Variants in PEPD observed in about 807,000 individuals in gnomAD.
PEPD encodes peptidase D.
PEPD carries 53 observed loss-of-function variants against 60.7 expected under a neutral mutation model. The ratio of observed to expected loss-of-function variants is 0.87; its 90% CI spans 0.70 to 1.10. The LOEUF is 1.10. Ranked by LOEUF, PEPD falls within the 50% of genes least tolerant of loss-of-function variation. PEPD has a pLI of 0.00. For missense variants in PEPD, 711 were observed against 711.9 expected, an observed-to-expected ratio of 1.00 and a Z score of 0.01; for synonymous variants, 267 against 284.1, an observed-to-expected ratio of 0.94 and a Z score of 0.60.
chr19:33,391,233 TG>T, intron 13 of PEPD, 61 bp downstream of exon 13: 1 of 1,377,086 alleles, frequency 7.3e-7, no homozygotes, highest in Non-Finnish European at 1.0e-6. Flanking sequence ...CACCCTGCCC[TG>T]GGGGTCAGGC....
intron 1 of PEPD, 93 bp from the exon 2 acceptor site, chr19:33,512,869 C>A: frequency 7.0e-7 from 1 of 1,425,336 alleles, no homozygotes; most frequent in Non-Finnish European, 9.9e-7. Context: ...GAGGCCCGAG[C>A]CTGCCGTGGG....
intron 4 of PEPD, chr19:33,493,556 A>C: frequency 1.6e-6 from 1 of 627,582 alleles, no homozygotes; most frequent in South Asian, 1.8e-5. Context: ...GAGAGGATAA[A>C]CCTACACCTG....
intron 9 of PEPD, among the ~76,000 whole-genome samples, chr19:33,434,312 T>C (rs1166393209): frequency 1.3e-5 from 2 of 152,078 alleles, no homozygotes; most frequent in Admixed American, 6.6e-5. Context: ...CCGGTGCACA[T>C]GGGGCAGGCA....
chr19:33,393,218 G>A (rs1048170866), intron 12 of PEPD, among the ~76,000 whole-genome samples: 1 of 138,728 alleles, frequency 7.2e-6, no homozygotes, highest in African/African-American at 2.8e-5. Flanking sequence ...GTCTGGCGTC[G>A]GGGAGGCCGT....
intron 6 of PEPD, among the ~76,000 whole-genome samples, chr19:33,483,729 G>C (rs532918842): frequency 7.9e-5 from 12 of 152,278 alleles, no homozygotes; most frequent in African/African-American, 2.9e-4. Flanking sequence ...AAGATCGCTT[G>C]AGCCCAGGAG....
At chr19:33,497,373 G>A (rs746252163) in intron 4 of PEPD, among the ~76,000 whole-genome samples, 18 of 152,250 alleles carry the variant, frequency 1.2e-4, no homozygotes, top group East Asian at 5.8e-4. Context: ...GCTCTCAGCC[G>A]GTGATCCCGC....
At chr19:33,470,503 C>G (rs767467367) in intron 7 of PEPD, among the ~76,000 whole-genome samples, 3 of 152,162 alleles carry the variant, frequency 2.0e-5, no homozygotes, top group Admixed American at 6.5e-5. Flanking sequence ...CGACCCCCTT[C>G]TACCCTCCCA....
At chr19:33,410,292 C>T (rs1968734552) in intron 11 of PEPD, among the ~76,000 whole-genome samples, 1 of 152,254 alleles carries the variant, frequency 6.6e-6, no homozygotes, top group Non-Finnish European at 1.5e-5. Context: ...AACAGCTCAT[C>T]AGCTATGGAC....
chr19:33,423,445 G>A (rs768770579), intron 9 of PEPD, among the ~76,000 whole-genome samples: 2 of 152,168 alleles, frequency 1.3e-5, no homozygotes, highest in Admixed American at 6.5e-5. Flanking sequence ...AATTCTCAGG[G>A]CATGTTCTGC....
intron 11 of PEPD, among the ~76,000 whole-genome samples, chr19:33,407,336 T>C (rs940726587): frequency 1.3e-5 from 2 of 152,248 alleles, no homozygotes; most frequent in Non-Finnish European, 2.9e-5. Flanking sequence ...TCGTGGACCA[T>C]GCGCCCCCTG....
chr19:33,457,673 G>A (rs1206941696), intron 9 of PEPD, among the ~76,000 whole-genome samples: 5 of 152,200 alleles, frequency 3.3e-5, no homozygotes, highest in Non-Finnish European at 7.4e-5. Flanking sequence ...ACCTAGCCCA[G>A]CTAATTTTTT....
chr19:33,447,558 T>C (rs1316807401), intron 9 of PEPD, among the ~76,000 whole-genome samples: 1 of 152,206 alleles, frequency 6.6e-6, no homozygotes, highest in Non-Finnish European at 1.5e-5. Context: ...TGACATGGGA[T>C]GGAGCCTGTG....
intron 2 of PEPD, 182 bp from the exon 3 acceptor site, chr19:33,511,337 C>T (rs1169391384): frequency 7.9e-6 from 5 of 634,522 alleles, no homozygotes; most frequent in Non-Finnish European, 1.4e-5. Context: ...CGTAGTTTGG[C>T]AGGGGGCAGC....
At chr19:33,439,438 C>T (rs73035072) in intron 9 of PEPD, among the ~76,000 whole-genome samples, 4,969 of 152,336 alleles carry the variant, frequency 0.033, 130 homozygotes, top group Non-Finnish European at 0.052. Context: ...CGAGTAAAGA[C>T]TCCTCCCCTT....
At chr19:33,449,703 G>T (rs367757672) in intron 9 of PEPD, among the ~76,000 whole-genome samples, 1 of 152,196 alleles carries the variant, frequency 6.6e-6, no homozygotes, top group Non-Finnish European at 1.5e-5. Context: ...TCACTGCTCA[G>T]ATGAAAGAAG....
At chr19:33,467,156 C>CAAA (rs72043066) in intron 7 of PEPD, among the ~76,000 whole-genome samples, 1 of 123,700 alleles carries the variant, frequency 8.1e-6, no homozygotes, top group East Asian at 2.8e-4. Flanking sequence ...GACTCCGTCT[C>CAAA]AAAAAAAAAA....
At chr19:33,475,352 G>A (rs544288102) in intron 7 of PEPD, among the ~76,000 whole-genome samples, 2 of 151,810 alleles carry the variant, frequency 1.3e-5, no homozygotes, top group African/African-American at 4.8e-5. Flanking sequence ...GGACCCGCCC[G>A]CTGCCCCACA....
At chr19:33,405,690 C>T (rs1968604442) in intron 11 of PEPD, among the ~76,000 whole-genome samples, 2 of 152,380 alleles carry the variant, frequency 1.3e-5, no homozygotes, top group South Asian at 4.1e-4. Flanking sequence ...GTGCCAAGCT[C>T]CAAGCGTGGC....
intron 4 of PEPD, among the ~76,000 whole-genome samples, chr19:33,494,017 G>A (rs1312667946): frequency 6.6e-6 from 1 of 152,192 alleles, no homozygotes; most frequent in Admixed American, 6.5e-5. Context: ...GTGCACTCAG[G>A]ATGAAAGCCC....
Sources: allele counts gnomAD v4.1 joint callset (sites outside exome capture counted in the v4.1 genomes callset), GRCh38; gene constraint gnomAD v4.1.1; transcripts MANE v1.5; gene names NCBI Gene and HGNC (gene_info 2026-07-23, HGNC 2026-07-21).